ACAD11: variants seen among roughly 807,000 people sequenced by gnomAD.
The protein encoded by ACAD11 is acyl-CoA dehydrogenase family member 11, also known as acyl-Coenzyme A dehydrogenase family, member 11.
Under a neutral mutation model 102.2 loss-of-function variants are expected in ACAD11, and 83 were observed. The ratio of observed to expected loss-of-function variants is 0.81; its 90% CI spans 0.68 to 0.97. ACAD11 has a LOEUF of 0.97. ACAD11 is among the 50% of genes least tolerant of loss of function. The pLI is 0.00. For synonymous variants in ACAD11, 324 were observed against 319.8 expected (o/e 1.01, Z -0.14); for missense variants, 901 against 951.7 (o/e 0.95, Z 0.70).
chr3:132,605,282 A>G, intron 11 of ACAD11, 77 bp from the exon 12 acceptor site: 2 of 899,338 alleles, frequency 2.2e-6, no homozygotes, highest in Middle Eastern at 2.4e-4. Flanking sequence ...TGTAGAGAGT[A>G]TAGAAATGCA....
In ACAD11 at chr3:132,644,824, TG is replaced by T; in HGVS notation, c.221del (p.Pro74GlnfsTer47). 6.2e-7 allele frequency: 1 copy of T among 1,612,244 alleles called. No homozygotes were observed. The highest frequency in any genetic ancestry group is 8.5e-7 in the Non-Finnish European group (1 of 1,179,046). On this transcript the variant is annotated frameshift_variant, in exon 2 of 20. Transcript: ENST00000264990. LOFTEE classifies it high-confidence loss of function. ...FQTYVLRKKP[P>X]GSLLPKAHQI... ...GATGTGCTTTAGGAAGAAGTGAACC[TG>T]GTGGTTTTTTCCTGAGCACATATGT... is the stretch of plus-strand genomic sequence containing the variant.
chr3:132,560,718 T>C (rs1246876653), intron 18 of ACAD11, among the ~76,000 whole-genome samples: 4 of 152,114 alleles, frequency 2.6e-5, no homozygotes, highest in African/African-American at 9.7e-5. Flanking sequence ...CTGCACATTC[T>C]ATGTACATCA....
At chr3:132,585,885 T>C (rs1473223555) in intron 13 of ACAD11, among the ~76,000 whole-genome samples, 3 of 152,196 alleles carry the variant, frequency 2.0e-5, no homozygotes, top group Admixed American at 6.5e-5. Flanking sequence ...ACTTTTACAC[T>C]GTTGGTGGGA....
chr3:132,641,557 T>TGAAGAAGAA (rs1347083217), intron 4 of ACAD11, among the ~76,000 whole-genome samples: 8 of 100,804 alleles, frequency 7.9e-5, no homozygotes, highest in Non-Finnish European at 1.5e-4. Flanking sequence ...ATGATGATGA[T>TGAAGAAGAA]GATGAAGAAG....
At chr3:132,607,606 C>CA (rs1489699118) in intron 11 of ACAD11, among the ~76,000 whole-genome samples, 1 of 151,962 alleles carries the variant, frequency 6.6e-6, no homozygotes, top group African/African-American at 2.4e-5. Context: ...ACAAAGCCTC[C>CA]AAAAAATATG....
intron 9 of ACAD11, 23 bp downstream of exon 9, chr3:132,626,668 C>CTGCTTATATA (rs779426171): frequency 1.2e-6 from 2 of 1,610,484 alleles, no homozygotes; most frequent in East Asian, 2.2e-5. Flanking sequence ...AGCAGAAATA[C>CTGCTTATATA]ATTCTGCTTA....
At chr3:132,635,129 A>ATT (rs1468995545) in intron 5 of ACAD11, among the ~76,000 whole-genome samples, 2 of 152,004 alleles carry the variant, frequency 1.3e-5, no homozygotes, top group East Asian at 3.8e-4. Context: ...ATGAATACTC[A>ATT]AAGTTGAAAA....
chr3:132,654,960 C>A (rs1937704661), intron 1 of ACAD11, among the ~76,000 whole-genome samples: 1 of 152,198 alleles, frequency 6.6e-6, no homozygotes, highest in Non-Finnish European at 1.5e-5. Context: ...AGGCTATAAA[C>A]CTGTGCAGCA....
chr3:132,651,538 T>C (rs923799126), intron 1 of ACAD11, among the ~76,000 whole-genome samples: 1 of 152,196 alleles, frequency 6.6e-6, no homozygotes, highest in Non-Finnish European at 1.5e-5. Context: ...TTCTAAACAT[T>C]TCTACCTCTA....
At chr3:132,627,183 T>C (rs1451519396) in intron 8 of ACAD11, 1 of 159,878 alleles carries the variant, frequency 6.3e-6, no homozygotes, top group Admixed American at 6.3e-5. Context: ...ATTCGCGCCT[T>C]ATGCAAGGGG....
intron 13 of ACAD11, among the ~76,000 whole-genome samples, chr3:132,583,571 C>T (rs865773831): frequency 3.3e-5 from 5 of 151,772 alleles, no homozygotes; most frequent in South Asian, 2.1e-4. Flanking sequence ...CTGATCTTAG[C>T]TATTTCTTGC....
Position 132,642,872 on chromosome 3 carries a change from T to C in ACAD11, c.250-70A>G, listed in dbSNP as rs2107887185. The C allele has an allele frequency of 2.0e-6, 3 of 1,490,018 alleles. No individual in the cohort carries two copies. The South Asian group carries it at 3.6e-5, about 18-fold the overall frequency. 92.3% of individuals were successfully genotyped at this position (1,490,018 alleles called of 1,614,324 possible). ...ATTGTAATTAAATTTAATAACTACTTATGAGCTAATCTTAAGGCTAGAAAA... is the reference window on the plus strand; with the variant it reads ...ATTGTAATTAAATTTAATAACTACTCATGAGCTAATCTTAAGGCTAGAAAA... On this transcript the variant is annotated intron_variant, in intron 2 of 19. Transcript: ENST00000264990.
intron 17 of ACAD11, among the ~76,000 whole-genome samples, chr3:132,568,964 A>G (rs1331371785): frequency 2.6e-5 from 4 of 152,124 alleles, no homozygotes; most frequent in African/African-American, 9.7e-5. Context: ...TAGACTTGAC[A>G]CCAAAAGCAT....
intron 1 of ACAD11, among the ~76,000 whole-genome samples, chr3:132,648,108 A>G (rs1272040625): frequency 1.3e-5 from 2 of 152,208 alleles, no homozygotes; most frequent in East Asian, 3.8e-4. Flanking sequence ...GTAAAGCCTC[A>G]TGCCCTACAG....
intron 13 of ACAD11, among the ~76,000 whole-genome samples, chr3:132,584,324 T>G (rs1204275834): frequency 1.3e-5 from 2 of 152,214 alleles, no homozygotes; most frequent in East Asian, 1.9e-4. Context: ...TGGCCTTCTT[T>G]GTCTCTTTTG....
intron 5 of ACAD11, 31 bp from the exon 6 acceptor site, chr3:132,631,510 C>T: frequency 1.4e-6 from 2 of 1,388,276 alleles, no homozygotes; most frequent in South Asian, 1.9e-5. Context: ...GTCTGTAACA[C>T]ATTAAAACTT....
chr3:132,658,891 T>G (rs756520407), intron 1 of ACAD11, among the ~76,000 whole-genome samples: 1 of 152,186 alleles, frequency 6.6e-6, no homozygotes, highest in Non-Finnish European at 1.5e-5. Context: ...GGAAACTAGT[T>G]CTCAGAGTGT....
At chr3:132,642,893 G>T (rs1940579522) in intron 2 of ACAD11, 91 bp from the exon 3 acceptor site, 1 of 1,315,444 alleles carries the variant, frequency 7.6e-7, no homozygotes, top group Non-Finnish European at 1.1e-6. Context: ...CTTAAGGCTA[G>T]AAAACAACTG....
chr3:132,558,614 C>T lies in ACAD11; in HGVS notation c.*357G>A, dbSNP rs555139439. ...CTCCTAGACTCAAGCAATCCTCCTG[C>T]CTCAGCCTCCCAAGTAGCTAGGACT... On this transcript the variant is annotated 3_prime_UTR_variant, in exon 20 of 20. Coordinates refer to ENST00000264990, the MANE Select transcript of ACAD11 (RefSeq NM_032169.5). The T allele has an allele frequency of 5.6e-6, 1 of 179,050 alleles. No individual in the cohort carries two copies. The highest frequency in any genetic ancestry group is 2.4e-5 in the African/African-American group (1 of 42,178). 11.1% of individuals were successfully genotyped at this position (179,050 alleles called of 1,614,324 possible). A position where few individuals can be genotyped will look rare whatever the true frequency, so the allele number is the denominator to read the frequency against.
Sources: allele counts gnomAD v4.1 joint callset (sites outside exome capture counted in the v4.1 genomes callset), GRCh38; gene constraint gnomAD v4.1.1; transcripts MANE v1.5; gene names NCBI Gene and HGNC (gene_info 2026-07-23, HGNC 2026-07-21).